Variants in KCNC4 observed in about 807,000 individuals in gnomAD.
KCNC4 encodes the protein voltage-gated potassium channel KCNC4.
A neutral mutation model predicts 42.8 loss-of-function variants in KCNC4; 23 were observed. That is an observed-to-expected ratio of 0.54 (90% confidence interval 0.39 to 0.76). The LOEUF is 0.76. Among genes scored for constraint, KCNC4 ranks in the 30% least tolerant of loss-of-function variants. KCNC4 has a pLI of 0.00. For missense variants in KCNC4, 751 were observed against 898.2 expected (o/e 0.84, Z 2.10); for synonymous variants, 422 against 393.5 (o/e 1.07, Z -0.86).
At position 110,212,113 on chromosome 1, in the gene KCNC4, G is replaced by A; in HGVS notation, c.614G>A (p.Cys205Tyr). The A allele has an allele frequency of 6.7e-7, 1 of 1,501,622 alleles. No individual in the cohort carries two copies. The highest frequency in any genetic ancestry group is 8.8e-7 in the Non-Finnish European group (1 of 1,140,532). The allele number at this position is 1,501,622 out of a possible 1,614,324, so 93.0% of individuals were successfully genotyped here. The change falls in exon 1 of 4, where the codon TGC becomes TAC. Residue 205 changes from cysteine (C) to tyrosine (Y), a missense_variant. Cys to Tyr is a radical substitution (Grantham distance 194, BLOSUM62 -2). Coordinates refer to ENST00000438661, the MANE Select transcript of KCNC4 (RefSeq NM_001039574.3). ...GGCCATGGCGCCGGGTCTGGGGGCTGCCGCGGCTGGCAGCCCCGCATGTGG... is the reference window on the plus strand; with the variant it reads ...GGCCATGGCGCCGGGTCTGGGGGCTACCGCGGCTGGCAGCCCCGCATGTGG... ...GAGHGAGSGG[C>Y]RGWQPRMWAL...
rs747854597 is a variant in KCNC4 at position 110,232,198 on chromosome 1, C to G, written c.1820-713C>G. The G allele has an allele frequency of 7.5e-5, 121 of 1,612,080 alleles. No individual in the cohort carries two copies. In the East Asian group the frequency reaches 1.5e-3, roughly 21 times the overall value. ...TGGGTTTCTCAATAAGGTACTATTT[C>G]CTGACCTTCTCTCCTGAGACAGGCA... On this transcript the variant is annotated intron_variant, in intron 3 of 3. Transcript: ENST00000438661.
Position 110,223,065 on chromosome 1 carries a change from C to T in KCNC4, c.780C>T (p.Ile260=), listed in dbSNP as rs1194519276. 15 of 1,614,198 alleles carry T rather than the reference C, an allele frequency of 9.3e-6. No homozygotes were observed. Among genetic ancestry groups the T allele is most frequent in the Non-Finnish European group, 1.3e-5 (15 of 1,180,030 alleles). The change falls in exon 2 of 4, where the codon ATC becomes ATT. Residue 260 remains isoleucine, a synonymous_variant. Coordinates refer to ENST00000438661, the MANE Select transcript of KCNC4 (RefSeq NM_001039574.3). This position sits in a 1 kb window ranked among gnomAD's most constrained non-coding sequence, Gnocchi z 7.5. The part of the protein sequence containing the change: ...AFNIDRNVTE[I]LRVGNITSVH... The stretch of plus-strand genomic sequence containing the variant: ...ATATCGACCGCAACGTGACAGAGAT[C>T]CTCCGCGTAGGGAACATCACCAGCG...
intron 3 of KCNC4, chr1:110,232,071 C>T (rs1658719333): frequency 7.3e-6 from 5 of 682,558 alleles, no homozygotes; most frequent in African/African-American, 7.1e-5. Flanking sequence ...GTACTCCTAC[C>T]TGCCCTACCT....
At chr1:110,263,146 G>A (rs1659482322) in intron 1 of KCNC4, among the ~76,000 whole-genome samples, 1 of 152,210 alleles carries the variant, frequency 6.6e-6, no homozygotes, top group African/African-American at 2.4e-5. Context: ...GAACATGTGG[G>A]TCAGCAGTGG....
chr1:110,217,375 A>G (rs1352068398), intron 1 of KCNC4, among the ~76,000 whole-genome samples: 2 of 152,144 alleles, frequency 1.3e-5, no homozygotes, highest in African/African-American at 4.8e-5. Context: ...TAATTTTTTC[A>G]AAGAGTCACA....
At chr1:110,212,478 C>G (rs141737007) in intron 1 of KCNC4, among the ~76,000 whole-genome samples, 5 of 152,196 alleles carry the variant, frequency 3.3e-5, no homozygotes, top group East Asian at 1.9e-4. Context: ...TCCTCCACCC[C>G]CTTCTTTGGT....
Position 110,233,209 on chromosome 1 carries a change from AT to A in KCNC4, c.*239del. 1.7e-6 allele frequency: 1 copy of A among 601,892 alleles called. No homozygotes were observed. Among genetic ancestry groups the A allele is most frequent in the Admixed American group, 2.9e-5 (1 of 34,022 alleles). 37.3% of individuals were successfully genotyped at this position (601,892 alleles called of 1,614,324 possible). ...ACATATAGTATCTATATTCATACAT[AT>A]TATACTCTTGTGTGTAGTGCACGTG... is the stretch of plus-strand genomic sequence containing the variant. On this transcript the variant is annotated 3_prime_UTR_variant, in exon 4 of 4. Coordinates refer to ENST00000438661, the MANE Select transcript of KCNC4 (RefSeq NM_001039574.3).
intron 1 of KCNC4, among the ~76,000 whole-genome samples, chr1:110,281,553 AAAACAC>A (rs1211709905): frequency 2.3e-4 from 27 of 117,700 alleles, no homozygotes; most frequent in Admixed American, 6.3e-4. Flanking sequence ...CACATATGTA[AAAACAC>A]ACACACACAC....
intron 2 of KCNC4, chr1:110,225,649 T>G (rs1340077204): frequency 3.9e-6 from 1 of 258,386 alleles, no homozygotes; most frequent in Non-Finnish European, 7.4e-6. Context: ...AAGTAGAGTC[T>G]GCGGACTGCT....
chr1:110,233,747 G>A lies in KCNC4; in HGVS notation c.*775G>A, dbSNP rs1658829199. The A allele has an allele frequency of 6.6e-6, 1 of 152,390 alleles. No homozygotes were observed. The allele number at this position is 152,390 out of a possible 1,614,324, so 9.4% of individuals were successfully genotyped here. Reference sequence around the variant, plus strand: ...CATCTGGCCCAGGGGGTCCGAGAAGGGAAGCCTTGGGCAAGAGGAGACCAG... The same window carrying A: ...CATCTGGCCCAGGGGGTCCGAGAAGAGAAGCCTTGGGCAAGAGGAGACCAG... On this transcript the variant is annotated 3_prime_UTR_variant, in exon 4 of 4. Coordinates refer to ENST00000438661, the MANE Select transcript of KCNC4 (RefSeq NM_001039574.3).
rs752369153 is a variant in KCNC4 at position 110,223,102 on chromosome 1, C to T, written c.817C>T (p.Arg273Trp). 17 of 1,614,168 alleles carry T rather than the reference C, an allele frequency of 1.1e-5. No individual in the cohort carries two copies. The East Asian group carries it at 2.9e-4, about 28-fold the overall frequency. ...VGNITSVHFRREVETEPILTY... is the reference protein window; with the variant it reads ...VGNITSVHFRWEVETEPILTY... ...GAACATCACCAGCGTGCACTTCCGG[C>T]GGGAGGTAGAGACAGAGCCCATCCT... The change falls in exon 2 of 4, where the codon CGG becomes TGG. Residue 273 changes from arginine (R) to tryptophan (W), a missense_variant. By Grantham distance (101) the Arg-to-Trp change is moderately radical (BLOSUM62 -3). Around this residue, in one of 4 missense-constraint regions of KCNC4, gnomAD observed 181 missense variants for 167.3 expected, o/e 1.08. Transcript: ENST00000438661. This position sits in a 1 kb window ranked among gnomAD's most constrained non-coding sequence, Gnocchi z 7.5.
intron 1 of KCNC4, among the ~76,000 whole-genome samples, chr1:110,257,969 G>A (rs149856300): frequency 6.6e-6 from 1 of 152,192 alleles, no homozygotes; most frequent in African/African-American, 2.4e-5. Flanking sequence ...TGTCTGCCCC[G>A]TTAGGAGTCT....
chr1:110,244,073 G>A (rs1659089378), exon 4 of KCNC4: 1 of 152,210 alleles, frequency 6.6e-6, no homozygotes, highest in African/African-American at 2.4e-5. Context: ...GGGTTACTTT[G>A]AGACCAAGAC....
At position 110,232,936 on chromosome 1, in the gene KCNC4, C is replaced by A; in HGVS notation, c.1845C>A (p.Ser615=). 6.2e-7 allele frequency: 1 copy of A among 1,612,086 alleles called. No homozygotes were observed. The highest frequency in any genetic ancestry group is 8.5e-7 in the Non-Finnish European group (1 of 1,179,196). Residue 615 remains serine, a synonymous_variant, in exon 4 of 4, where the codon TCC becomes TCA. Coordinates refer to ENST00000438661, the MANE Select transcript of KCNC4 (RefSeq NM_001039574.3). ...RKETCQDALS[S]NYAQAEVLTL... ...AGACCTGCCAAGACGCCCTCTCGTCCAACTATGCCCAGGCTGAAGTCCTCA... is the reference window on the plus strand; with the variant it reads ...AGACCTGCCAAGACGCCCTCTCGTCAAACTATGCCCAGGCTGAAGTCCTCA...
chr1:110,280,362 T>C (rs919287569), intron 1 of KCNC4, among the ~76,000 whole-genome samples: 3 of 152,062 alleles, frequency 2.0e-5, no homozygotes, highest in African/African-American at 7.2e-5. Context: ...GAGATTGTGC[T>C]CTGTCTCCCT....
At chr1:110,214,978 C>T (rs1469297809) in intron 1 of KCNC4, among the ~76,000 whole-genome samples, 2 of 152,228 alleles carry the variant, frequency 1.3e-5, no homozygotes, top group African/African-American at 2.4e-5. Flanking sequence ...CCTGTTCCCC[C>T]CGGTATATGT....
chr1:110,265,863 C>T (rs953679433), intron 1 of KCNC4, among the ~76,000 whole-genome samples: 1 of 152,180 alleles, frequency 6.6e-6, no homozygotes, highest in Non-Finnish European at 1.5e-5. Flanking sequence ...TGACTTGTTG[C>T]ACCTACCTTC....
At position 110,211,509 on chromosome 1, in the gene KCNC4, T is replaced by C. The variant is rs1221060260; in HGVS notation, c.10T>C (p.Ser4Pro). The C allele has an allele frequency of 6.2e-7, 1 of 1,613,490 alleles. No homozygotes were observed. The highest frequency in any genetic ancestry group is 1.3e-5 in the African/African-American group (1 of 74,920). MIS[S>P]VCVSSYRGRK... Reference sequence around the variant, plus strand: ...CCCCGCAGCGCTTCTTATGATCAGCTCGGTGTGTGTCTCCTCCTACCGCGG... The same window carrying C: ...CCCCGCAGCGCTTCTTATGATCAGCCCGGTGTGTGTCTCCTCCTACCGCGG... Residue 4 changes from serine to proline, a missense_variant, in exon 1 of 4, where the codon TCG (serine) becomes CCG (proline). Coordinates refer to ENST00000438661, the MANE Select transcript of KCNC4 (RefSeq NM_001039574.3). This position sits in a 1 kb window ranked among gnomAD's most constrained non-coding sequence, Gnocchi z 6.5.
chr1:110,277,475 A>G (rs1430288887), intron 1 of KCNC4, among the ~76,000 whole-genome samples: 2 of 152,194 alleles, frequency 1.3e-5, no homozygotes, highest in Non-Finnish European at 2.9e-5. Context: ...CTCATCTGCT[A>G]CCAACCTTGG....
Sources: gnomAD v4.1 joint callset for allele counts (sites outside exome capture counted in the v4.1 genomes callset) on GRCh38, gnomAD v4.1.1 for gene constraint, gnomAD v4.1.1 regional missense constraint, Gnocchi (gnomAD v3.1) non-coding constraint, MANE v1.5 for transcripts, NCBI Gene and HGNC (gene_info 2026-07-23, HGNC 2026-07-21) for gene names.